Variants in TNC observed in about 807,000 individuals in gnomAD.
The protein encoded by TNC is tenascin.
In TNC, 109 loss-of-function variants were observed where a neutral mutation model predicts 202.4. The ratio of observed to expected loss-of-function variants is 0.54; its 90% CI spans 0.46 to 0.63. The LOEUF is 0.63. Among genes scored for constraint, TNC ranks in the 30% least tolerant of loss-of-function variants. The probability of loss-of-function intolerance (pLI) is 0.00; values close to 1 mark genes in which losing one functional copy is unlikely to be tolerated. For missense variants in TNC, 2,756 were observed against 2,833.3 expected, an observed-to-expected ratio of 0.97 and a Z score of 0.62; for synonymous variants, 1,007 against 1,089.7, an observed-to-expected ratio of 0.92 and a Z score of 1.50.
intron 11 of TNC, 95 bp from the exon 12 acceptor site, chr9:115,064,163 GA>G: frequency 1.6e-6 from 2 of 1,281,824 alleles, no homozygotes; most frequent in Non-Finnish European, 2.1e-6. Flanking sequence ...TAATATTACT[GA>G]AAAAATGTGA....
chr9:115,032,553 A>G (rs1830028191), intron 22 of TNC, among the ~76,000 whole-genome samples: 1 of 152,188 alleles, frequency 6.6e-6, no homozygotes, highest in South Asian at 2.1e-4. Context: ...AAGCTTTAAA[A>G]CAATATGATG....
intron 1 of TNC, among the ~76,000 whole-genome samples, chr9:115,096,259 A>T (rs1835781000): frequency 6.6e-6 from 1 of 152,212 alleles, no homozygotes. Context: ...AAACACTTCG[A>T]ATTCATTGGT....
chr9:115,083,139 G>A (rs889955441), intron 4 of TNC, among the ~76,000 whole-genome samples: 4 of 152,140 alleles, frequency 2.6e-5, no homozygotes, highest in Non-Finnish European at 4.4e-5. Context: ...CTAAGCCTGA[G>A]TTTCTTCACT....
At chr9:115,042,448 T>C in intron 17 of TNC, 107 bp from the exon 18 acceptor site, 1 of 1,464,722 alleles carries the variant, frequency 6.8e-7, no homozygotes, top group East Asian at 2.3e-5. Context: ...CTAGAATTTG[T>C]GTCTGAGCCA....
chr9:115,059,362 A>G (rs991282096), intron 14 of TNC, among the ~76,000 whole-genome samples: 14 of 152,236 alleles, frequency 9.2e-5, no homozygotes, highest in Non-Finnish European at 1.5e-5. Flanking sequence ...GTGTTCCACC[A>G]GAACTCATAT....
At chr9:115,054,393 A>T (rs980589577) in intron 15 of TNC, among the ~76,000 whole-genome samples, 1 of 152,252 alleles carries the variant, frequency 6.6e-6, no homozygotes, top group Non-Finnish European at 1.5e-5. Flanking sequence ...TATAGCTTTG[A>T]CAAATTCCCT....
intron 1 of TNC, among the ~76,000 whole-genome samples, chr9:115,103,374 G>T (rs1836379907): frequency 6.6e-6 from 1 of 152,172 alleles, no homozygotes; most frequent in Non-Finnish European, 1.5e-5. Flanking sequence ...TCATTTTGTT[G>T]TACTGTTGTT....
intron 25 of TNC, among the ~76,000 whole-genome samples, chr9:115,027,215 A>G (rs1356730895): frequency 6.6e-6 from 1 of 152,050 alleles, no homozygotes; most frequent in Non-Finnish European, 1.5e-5. Flanking sequence ...TCGGGTTGAC[A>G]TTTTTGCCCC....
Position 115,078,197 on chromosome 9 carries a change from C to A in TNC, c.2420G>T (p.Ser807Ile). Residue 807 changes from serine to isoleucine, a missense_variant, in exon 7 of 28, where the codon AGC becomes ATC. Around this residue, in one of 2 missense-constraint regions of TNC, gnomAD observed 2,559 missense variants for 2,546.0 expected, o/e 1.01. Transcript: ENST00000350763. ...TGTGACATCTTTCACCTCGATCTGG[C>A]TGGGGGCATCCAAGCCTATGATGGG... ...RVTTTRLDAPSQIEVKDVTDT... is the reference protein window; with the variant it reads ...RVTTTRLDAPIQIEVKDVTDT... 6.2e-7 allele frequency: 1 copy of A among 1,606,182 alleles called. No homozygotes were observed. Among genetic ancestry groups the A allele is most frequent in the Non-Finnish European group, 8.5e-7 (1 of 1,173,694 alleles).
At position 115,063,646 on chromosome 9, in the gene TNC, G is replaced by T. The variant is rs144137709; in HGVS notation, c.3760+150C>A. 1.2e-3 allele frequency: 1,060 copies of T among 878,044 alleles called. 5 individuals are homozygous for T. The highest frequency in any genetic ancestry group is 4.9e-3 in the African/African-American group (295 of 59,606). 54.4% of individuals were successfully genotyped at this position (878,044 alleles called of 1,614,324 possible). ...ACAACTAGGACTTAGCCAAATAAGG[G>T]ATGTGACATTTAGGAAGAAGCAGAG... On this transcript the variant is annotated intron_variant, in intron 12 of 27. Transcript: ENST00000350763.
At chr9:115,035,079 A>AT in intron 22 of TNC, 125 bp downstream of exon 22, 8 of 993,828 alleles carry the variant, frequency 8.0e-6, no homozygotes, top group South Asian at 1.7e-5. Flanking sequence ...AGTCTCTACT[A>AT]ATTTTTTTTT....
intron 1 of TNC, among the ~76,000 whole-genome samples, chr9:115,096,291 C>G (rs1025638564): frequency 5.9e-5 from 9 of 152,106 alleles, no homozygotes; most frequent in Non-Finnish European, 1.3e-4. Context: ...AGTGCTCTGT[C>G]CCATATTCCG....
In TNC at chr9:115,029,981, AT is replaced by A. The variant is rs142599595; in HGVS notation, c.6072+272del. ...GCAATGGGTTCAATGATCAACTGTC[AT>A]TTATACATCACAGAGTTGTTTGATG... is the stretch of plus-strand genomic sequence containing the variant. On this transcript the variant is annotated intron_variant, in intron 24 of 27. Transcript: ENST00000350763. Among the ~76,000 whole-genome samples, 15,485 of 152,276 alleles carry A rather than the reference AT, an allele frequency of 0.1. 1,074 individuals carry two copies. Among genetic ancestry groups the A allele is most frequent in the Middle Eastern group, 0.19 (55 of 294 alleles).
At chr9:115,035,057 G>A in intron 22 of TNC, 147 bp downstream of exon 22, 3 of 809,392 alleles carry the variant, frequency 3.7e-6, no homozygotes, top group Non-Finnish European at 5.5e-6. Context: ...CAGAAGGTCT[G>A]GCATGCCATC....
At chr9:115,114,696 C>T (rs1001188729) in intron 1 of TNC, among the ~76,000 whole-genome samples, 4 of 152,182 alleles carry the variant, frequency 2.6e-5, no homozygotes, top group Non-Finnish European at 5.9e-5. Flanking sequence ...GTCAGCACAG[C>T]CTGACTTCAG....
intron 17 of TNC, 106 bp from the exon 18 acceptor site, chr9:115,042,447 G>C: frequency 1.4e-6 from 2 of 1,469,510 alleles, no homozygotes; most frequent in Non-Finnish European, 1.8e-6. Flanking sequence ...CCTAGAATTT[G>C]TGTCTGAGCC....
chr9:115,107,108 AC>A (rs1184673139), intron 1 of TNC, among the ~76,000 whole-genome samples: 1 of 152,132 alleles, frequency 6.6e-6, no homozygotes, highest in African/African-American at 2.4e-5. Context: ...CTCTATATAC[AC>A]AAGTATGATA....
intron 15 of TNC, among the ~76,000 whole-genome samples, chr9:115,049,905 T>C (rs980723217): frequency 6.6e-6 from 1 of 152,152 alleles, no homozygotes; most frequent in Non-Finnish European, 1.5e-5. Context: ...CTTCATTTTG[T>C]AAATAGAGAT....
chr9:115,065,037 G>C, intron 10 of TNC, 118 bp from the exon 11 acceptor site: 2 of 1,198,936 alleles, frequency 1.7e-6, no homozygotes, highest in Non-Finnish European at 2.3e-6. Context: ...CAAGTGCCAG[G>C]CTTTGTTCAC....
Sources: gnomAD v4.1 joint callset for allele counts (sites outside exome capture counted in the v4.1 genomes callset) on GRCh38, gnomAD v4.1.1 for gene constraint, gnomAD v4.1.1 regional missense constraint, MANE v1.5 for transcripts, NCBI Gene and HGNC (gene_info 2026-07-23, HGNC 2026-07-21) for gene names.